Variants in TMEM163 observed in about 807,000 individuals in gnomAD.
The protein encoded by TMEM163 is transmembrane protein 163.
TMEM163 carries 17 observed loss-of-function variants against 29.3 expected under a neutral mutation model. The observed-to-expected ratio is 0.58, with a 90% CI of 0.40 to 0.87. The LOEUF (loss-of-function observed/expected upper bound fraction) is 0.87, where lower values mean the gene tolerates loss of function less well. TMEM163 is among the 40% of genes least tolerant of loss of function. The probability of loss-of-function intolerance (pLI) is 0.00; values close to 1 mark genes in which losing one functional copy is unlikely to be tolerated. For missense variants in TMEM163, 303 were observed against 381.5 expected (o/e 0.79, Z 1.71); for synonymous variants, 157 against 160.6 (o/e 0.98, Z 0.17).
At chr2:134,629,470 AT>A (rs1263249337) in intron 2 of TMEM163, among the ~76,000 whole-genome samples, 1 of 152,216 alleles carries the variant, frequency 6.6e-6, no homozygotes, top group Non-Finnish European at 1.5e-5. Context: ...ATTTTTGTAG[AT>A]TAGAAGATCT....
At position 134,659,420 on chromosome 2, in the gene TMEM163, C is replaced by T. The variant is rs1276438465; in HGVS notation, c.322+53780G>A. Among the ~76,000 whole-genome samples the T allele has an allele frequency of 2.0e-5, 3 of 152,166 alleles. No homozygotes were observed. The East Asian group carries it at 5.8e-4, about 29-fold the overall frequency. ...ATGCTTAGCACAGACCGTAGAGGGG[C>T]CCCTCAGGCTAAGGCACAGAATGAC... On this transcript the variant is annotated intron_variant, in intron 2 of 7. Transcript: ENST00000281924.
intron 4 of TMEM163, among the ~76,000 whole-genome samples, chr2:134,507,384 C>T (rs942216698): frequency 6.6e-6 from 1 of 151,254 alleles, no homozygotes; most frequent in Admixed American, 6.6e-5. Context: ...AAATACCCAC[C>T]GGATCAGTGG....
At chr2:134,672,987 C>T (rs1001864264) in intron 2 of TMEM163, among the ~76,000 whole-genome samples, 1 of 152,112 alleles carries the variant, frequency 6.6e-6, no homozygotes, top group Admixed American at 6.5e-5. Flanking sequence ...GCTAGTTTTC[C>T]AAGGCGCAAC....
intron 2 of TMEM163, among the ~76,000 whole-genome samples, chr2:134,666,071 A>G: frequency 6.6e-6 from 1 of 152,204 alleles, no homozygotes; most frequent in East Asian, 1.9e-4. Context: ...CAGACAGAAT[A>G]GTAATGAGAA....
At chr2:134,656,710 G>C (rs1305693801) in intron 2 of TMEM163, among the ~76,000 whole-genome samples, 1 of 152,210 alleles carries the variant, frequency 6.6e-6, no homozygotes, top group Non-Finnish European at 1.5e-5. Flanking sequence ...TGCCCACTCA[G>C]TATGACTTTG....
chr2:134,459,995 C>T (rs1486234255), intron 6 of TMEM163, among the ~76,000 whole-genome samples: 2 of 151,986 alleles, frequency 1.3e-5, no homozygotes, highest in East Asian at 3.9e-4. Context: ...GATGGGGCCA[C>T]CAGCTGCAGA....
chr2:134,572,166 A>G (rs1681444910), intron 2 of TMEM163, among the ~76,000 whole-genome samples: 1 of 152,226 alleles, frequency 6.6e-6, no homozygotes, highest in African/African-American at 2.4e-5. Flanking sequence ...AGCACCTTGC[A>G]CAAAATCACA....
At chr2:134,503,067 C>G in intron 4 of TMEM163, 70 bp from the exon 5 acceptor site, 1 of 1,424,052 alleles carries the variant, frequency 7.0e-7, no homozygotes, top group Non-Finnish European at 9.7e-7. Context: ...ACACAATTGA[C>G]AGTGACAAAG....
intron 2 of TMEM163, among the ~76,000 whole-genome samples, chr2:134,661,117 G>A (rs891723819): frequency 1.3e-5 from 2 of 151,346 alleles, no homozygotes; most frequent in Non-Finnish European, 1.5e-5. Flanking sequence ...ACATGCTTAC[G>A]TACTCTCTCA....
intron 5 of TMEM163, among the ~76,000 whole-genome samples, chr2:134,491,395 A>G (rs1262996466): frequency 6.6e-6 from 1 of 152,124 alleles, no homozygotes; most frequent in African/African-American, 2.4e-5. Flanking sequence ...GAGAGTGTGG[A>G]AAAGTCCTAG....
In TMEM163 at chr2:134,570,463, CATATAT is replaced by C. The variant is rs35018528; in HGVS notation, c.323-18378_323-18373del. ...CCCCACAGATAAGGGGGTACTACTA[CATATAT>C]ATATACATATACATATACATATACA... On this transcript the variant is annotated intron_variant, in intron 2 of 7. Coordinates refer to ENST00000281924, the MANE Select transcript of TMEM163 (RefSeq NM_030923.5). 2.4e-4 allele frequency among the ~76,000 whole-genome samples: 33 copies of C among 140,016 alleles called. No homozygotes were observed. The East Asian group carries it at 2.7e-3, about 11-fold the overall frequency. The allele number at this position is 140,016 out of a possible 152,430, so 91.9% of individuals were successfully genotyped here. A position where few individuals can be genotyped will look rare whatever the true frequency, so the allele number is the denominator to read the frequency against.
chr2:134,541,195 A>T lies in TMEM163; in HGVS notation c.458+9375T>A, dbSNP rs935300044. The stretch of plus-strand genomic sequence containing the variant: ...TGGAAATAAAAGGCTTTTCATTCCC[A>T]TCTGAAATCCTGGCAACCCATTTCC... On this transcript the variant is annotated intron_variant, in intron 4 of 7. Coordinates refer to ENST00000281924, the MANE Select transcript of TMEM163 (RefSeq NM_030923.5). 1.1e-4 allele frequency among the ~76,000 whole-genome samples: 16 copies of T among 152,360 alleles called. 1 individual carries two copies. The highest frequency in any genetic ancestry group is 8.5e-4 in the Admixed American group (13 of 15,308).
intron 2 of TMEM163, among the ~76,000 whole-genome samples, chr2:134,592,804 T>C (rs56253582): frequency 0.089 from 13,486 of 151,358 alleles, 680 homozygotes; most frequent in South Asian, 0.16. Flanking sequence ...TAGATATAGA[T>C]AGATAGACTA....
At chr2:134,706,607 G>A (rs1318455622) in intron 2 of TMEM163, among the ~76,000 whole-genome samples, 4 of 152,142 alleles carry the variant, frequency 2.6e-5, no homozygotes, top group Non-Finnish European at 5.9e-5. Flanking sequence ...TGATCTTGAG[G>A]GATAAGTAAA....
Position 134,661,925 on chromosome 2 carries a change from C to CTTTTTTTTT in TMEM163, c.322+51274_322+51275insAAAAAAAAA, listed in dbSNP as rs201436466. ...AAGTTTTCATGGATTCATTAATTTT[C>CTTTTTTTTT]TTTCTTTTTTTTTTTTTTTTTTTTG... On this transcript the variant is annotated intron_variant, in intron 2 of 7. Coordinates refer to ENST00000281924, the MANE Select transcript of TMEM163 (RefSeq NM_030923.5). Among the ~76,000 whole-genome samples the CTTTTTTTTT allele has an allele frequency of 6.1e-4, 48 of 79,058 alleles. 10 individuals are homozygous for CTTTTTTTTT. Among genetic ancestry groups the CTTTTTTTTT allele is most frequent in the African/African-American group, 1.6e-3 (27 of 16,988 alleles). 51.9% of individuals were successfully genotyped at this position (79,058 alleles called of 152,430 possible).
chr2:134,516,245 C>T (rs554979317), intron 4 of TMEM163, among the ~76,000 whole-genome samples: 60 of 152,218 alleles, frequency 3.9e-4, no homozygotes, highest in African/African-American at 1.4e-3. Context: ...TGATATTAAG[C>T]ATATATAAAA....
At chr2:134,683,008 G>T (rs1262482421) in intron 2 of TMEM163, among the ~76,000 whole-genome samples, 1 of 152,154 alleles carries the variant, frequency 6.6e-6, no homozygotes, top group Non-Finnish European at 1.5e-5. Flanking sequence ...AGAGAAAGAA[G>T]CCAAACTGAA....
intron 2 of TMEM163, among the ~76,000 whole-genome samples, chr2:134,615,691 C>T (rs1271828485): frequency 8.3e-6 from 1 of 119,764 alleles, no homozygotes; most frequent in African/African-American, 3.3e-5. Context: ...GAATCTGGCT[C>T]TGTCACCCAA....
chr2:134,507,091 C>T (rs929322015), intron 4 of TMEM163, among the ~76,000 whole-genome samples: 2 of 152,166 alleles, frequency 1.3e-5, no homozygotes, highest in Admixed American at 1.3e-4. Context: ...AATCCCAGGA[C>T]TTTGGGAGGC....
Sources: allele counts gnomAD v4.1 joint callset (sites outside exome capture counted in the v4.1 genomes callset), GRCh38; gene constraint gnomAD v4.1.1; transcripts MANE v1.5; gene names NCBI Gene and HGNC (gene_info 2026-07-23, HGNC 2026-07-21).